Variants in PXDN observed in about 807,000 individuals in gnomAD.
PXDN encodes the protein peroxidasin homolog.
A neutral mutation model predicts 140.3 loss-of-function variants in PXDN; 77 were observed. That is an observed-to-expected ratio of 0.55 (90% confidence interval 0.46 to 0.66). The LOEUF (loss-of-function observed/expected upper bound fraction) is 0.66, where lower values mean the gene tolerates loss of function less well. PXDN is among the 30% of genes least tolerant of loss of function. The pLI is 0.00. For synonymous variants in PXDN, 911 were observed against 857.4 expected (o/e 1.06, Z -1.09); for missense variants, 1,838 against 2,039.5 (o/e 0.90, Z 1.90).
Position 1,692,913 on chromosome 2 carries a change from T to C in PXDN, c.272+150A>G, listed in dbSNP as rs1027599955. On this transcript the variant is annotated intron_variant, in intron 2 of 22. Coordinates refer to ENST00000252804, the MANE Select transcript of PXDN (RefSeq NM_012293.3). ...GCCACAGTCCTGGCATTCACAGTCC[T>C]GGCATTCAGGGGCATTTTCCAGCCT... 4 of 713,266 alleles carry C rather than the reference T, an allele frequency of 5.6e-6. No homozygotes were observed. The African/African-American group carries it at 7.1e-5, about 13-fold the overall frequency. 44.2% of individuals were successfully genotyped at this position (713,266 alleles called of 1,614,324 possible).
intron 9 of PXDN, among the ~76,000 whole-genome samples, chr2:1,672,579 T>C (rs1683602081): frequency 6.6e-6 from 1 of 152,192 alleles, no homozygotes; most frequent in Non-Finnish European, 1.5e-5. Context: ...ATGTGGAACG[T>C]TGTTTGATTA....
chr2:1,733,709 T>C (rs1371364239), intron 1 of PXDN, among the ~76,000 whole-genome samples: 1 of 119,476 alleles, frequency 8.4e-6, no homozygotes, highest in African/African-American at 3.3e-5. Flanking sequence ...GCCACTGTAC[T>C]CCACCCTGGG....
intron 7 of PXDN, among the ~76,000 whole-genome samples, chr2:1,677,943 G>A (rs115874604): frequency 7.9e-5 from 12 of 152,250 alleles, no homozygotes; most frequent in Non-Finnish European, 1.3e-4. Flanking sequence ...TGTGTGCAGC[G>A]GAGATGGCTC....
intron 21 of PXDN, 64 bp from the exon 22 acceptor site, chr2:1,635,585 T>A: frequency 8.7e-7 from 1 of 1,148,512 alleles, no homozygotes; most frequent in Non-Finnish European, 1.3e-6. Flanking sequence ...GCTCTTGTAT[T>A]AAAAGATGTT....
chr2:1,736,116 G>A lies in PXDN; in HGVS notation c.200+8140C>T, dbSNP rs371576839. 7.9e-5 allele frequency among the ~76,000 whole-genome samples: 12 copies of A among 152,168 alleles called. No individual in the cohort carries two copies. In the East Asian group the frequency reaches 2.3e-3, roughly 29 times the overall value. On this transcript the variant is annotated intron_variant, in intron 1 of 22. Transcript: ENST00000252804. ...CAGAAATGAAGAGAGTTAGGGCCTT[G>A]CTCTGGATCAAACTTTGGCTGAGTG... is the stretch of plus-strand genomic sequence containing the variant.
intron 1 of PXDN, among the ~76,000 whole-genome samples, chr2:1,716,652 C>T (rs963762449): frequency 6.6e-6 from 1 of 152,018 alleles, no homozygotes; most frequent in African/African-American, 2.4e-5. Context: ...GCATCCTCCT[C>T]GGAAAGAGAC....
chr2:1,692,410 C>A, intron 2 of PXDN: 2 of 442,198 alleles, frequency 4.5e-6, no homozygotes, highest in South Asian at 1.7e-5. Flanking sequence ...GTGGCCCGTG[C>A]TCCATTCGAG....
At chr2:1,683,564 A>G (rs1362112461) in intron 6 of PXDN, 92 bp downstream of exon 6, 1 of 558,750 alleles carries the variant, frequency 1.8e-6, no homozygotes. Context: ...TGTTATCAAC[A>G]TTTCACAATA....
chr2:1,708,693 C>A (rs549466387), intron 1 of PXDN, among the ~76,000 whole-genome samples: 1 of 152,128 alleles, frequency 6.6e-6, no homozygotes, highest in Non-Finnish European at 1.5e-5. Context: ...CATGGTGTGA[C>A]GGAACCTCCT....
intron 1 of PXDN, among the ~76,000 whole-genome samples, chr2:1,733,058 G>A (rs1217282946): frequency 1.3e-5 from 2 of 152,036 alleles, no homozygotes; most frequent in African/African-American, 4.8e-5. Context: ...TAGAGAAAAA[G>A]GCACAGTAAC....
upstream of PXDN, chr2:1,744,897 T>A (rs1685657472): frequency 6.4e-6 from 1 of 156,602 alleles, no homozygotes; most frequent in South Asian, 2.1e-4. Context: ...CGGGCACGAT[T>A]CCAGGCGCGC....
At chr2:1,646,757 A>C (rs1423508942) in intron 17 of PXDN, among the ~76,000 whole-genome samples, 1 of 152,224 alleles carries the variant, frequency 6.6e-6, no homozygotes, top group African/African-American at 2.4e-5. Flanking sequence ...CTTAAGAAGA[A>C]AGGGTTTTTC....
At chr2:1,662,011 G>A in intron 13 of PXDN, 61 bp downstream of exon 13, 1 of 1,428,270 alleles carries the variant, frequency 7.0e-7, no homozygotes. Flanking sequence ...TGGGTGGTGT[G>A]GGTGCCAGCC....
chr2:1,742,869 G>T (rs1481148285), intron 1 of PXDN, among the ~76,000 whole-genome samples: 1 of 152,232 alleles, frequency 6.6e-6, no homozygotes, highest in Non-Finnish European at 1.5e-5. Flanking sequence ...GGCGACCCCT[G>T]GGAGCCGTGG....
At chr2:1,729,161 A>G (rs934429499) in intron 1 of PXDN, among the ~76,000 whole-genome samples, 1 of 152,216 alleles carries the variant, frequency 6.6e-6, no homozygotes, top group Non-Finnish European at 1.5e-5. Context: ...ATAAACATAC[A>G]TGACAGGCAC....
intron 9 of PXDN, among the ~76,000 whole-genome samples, chr2:1,672,558 T>C (rs919694016): frequency 1.3e-5 from 2 of 152,222 alleles, no homozygotes; most frequent in Non-Finnish European, 2.9e-5. Flanking sequence ...GCTAAATGTC[T>C]TGTGCTAAAC....
At chr2:1,716,440 G>GAAAAAAAAAAAAAAAAAAA (rs550784477) in intron 1 of PXDN, among the ~76,000 whole-genome samples, 1 of 58,228 alleles carries the variant, frequency 1.7e-5, no homozygotes, top group East Asian at 5.6e-4. Flanking sequence ...TCCATCTCAG[G>GAAAAAAAAAAAAAAAAAAA]AAAAAAAAAA....
chr2:1,711,031 CCACCAGCA>C (rs1684759201), intron 1 of PXDN, among the ~76,000 whole-genome samples: 1 of 75,930 alleles, frequency 1.3e-5, no homozygotes, highest in African/African-American at 4.8e-5. Flanking sequence ...AGCACCCACT[CCACCAGCA>C]TCCACTCTAC....
At chr2:1,728,543 TGAC>T (rs1411352624) in intron 1 of PXDN, among the ~76,000 whole-genome samples, 1 of 152,240 alleles carries the variant, frequency 6.6e-6, no homozygotes, top group Non-Finnish European at 1.5e-5. Context: ...CTGGTAAAGC[TGAC>T]AACGGCCCTC....
Sources: gnomAD v4.1 joint callset for allele counts (sites outside exome capture counted in the v4.1 genomes callset) on GRCh38, gnomAD v4.1.1 for gene constraint, MANE v1.5 for transcripts, NCBI Gene and HGNC (gene_info 2026-07-23, HGNC 2026-07-21) for gene names.